Variants in KIT observed in about 807,000 individuals in gnomAD.
KIT encodes KIT proto-oncogene, receptor tyrosine kinase, also known as mast/stem cell growth factor receptor Kit.
KIT carries 16 observed loss-of-function variants against 105.7 expected under a neutral mutation model. The observed-to-expected ratio is 0.15, with a 90% CI of 0.10 to 0.23. The LOEUF (loss-of-function observed/expected upper bound fraction) is 0.23, where lower values mean the gene tolerates loss of function less well. KIT is among the 10% of genes least tolerant of loss of function. The probability of loss-of-function intolerance (pLI) is 1.00; values close to 1 mark genes in which losing one functional copy is unlikely to be tolerated. For missense variants in KIT, 858 were observed against 1,213.8 expected (o/e 0.71, Z 4.36); for synonymous variants, 438 against 441.1 (o/e 0.99, Z 0.09).
At chr4:54,715,932 A>G (rs1032549894) in intron 7 of KIT, among the ~76,000 whole-genome samples, 2 of 148,080 alleles carry the variant, frequency 1.4e-5, no homozygotes, top group East Asian at 2.0e-4. Flanking sequence ...GCCCTTCAGG[A>G]AGATCCTCAC....
chr4:54,709,701 A>G lies in KIT; in HGVS notation c.1231+162A>G, dbSNP rs187319292. On this transcript the variant is annotated intron_variant, in intron 7 of 20. Coordinates refer to ENST00000288135, the MANE Select transcript of KIT (RefSeq NM_000222.3). ...GTGGTTTGGTGGTTAGAGTGTGTCA[A>G]AAAACCAGTTCCTTGTCCTACATTT... is the stretch of plus-strand genomic sequence containing the variant. The G allele has an allele frequency of 6.3e-4, 433 of 687,396 alleles. 4 individuals carry two copies. In the Admixed American group the frequency reaches 8.7e-3, roughly 14 times the overall value. 42.6% of individuals were successfully genotyped at this position (687,396 alleles called of 1,614,324 possible).
At chr4:54,682,427 C>A (rs1302790577) in intron 1 of KIT, among the ~76,000 whole-genome samples, 1 of 151,142 alleles carries the variant, frequency 6.6e-6, no homozygotes, top group Non-Finnish European at 1.5e-5. Flanking sequence ...ATTTCTTTGT[C>A]TTTTTTTTCT....
At chr4:54,706,063 G>A (rs1720769381) in intron 5 of KIT, among the ~76,000 whole-genome samples, 1 of 151,470 alleles carries the variant, frequency 6.6e-6, no homozygotes, top group Admixed American at 6.6e-5. Flanking sequence ...CCTTTTCTAA[G>A]GACTCCATTA....
chr4:54,706,878 G>T (rs1375148250), intron 5 of KIT, among the ~76,000 whole-genome samples: 3 of 152,298 alleles, frequency 2.0e-5, no homozygotes, highest in Middle Eastern at 3.4e-3. Context: ...TTAAGAGGCA[G>T]AGATGGGAGA....
intron 1 of KIT, among the ~76,000 whole-genome samples, chr4:54,688,491 A>C (rs1009848731): frequency 6.6e-6 from 1 of 151,890 alleles, no homozygotes; most frequent in Non-Finnish European, 1.5e-5. Context: ...ATTTGTGTCC[A>C]AAAGAGGACA....
chr4:54,720,213 C>T (rs1577983809), intron 7 of KIT, among the ~76,000 whole-genome samples: 1 of 152,048 alleles, frequency 6.6e-6, no homozygotes, highest in African/African-American at 2.4e-5. Flanking sequence ...CATTTATTCT[C>T]TTCCCTTAGA....
intron 1 of KIT, among the ~76,000 whole-genome samples, chr4:54,680,542 C>T (rs906510914): frequency 2.0e-4 from 31 of 152,038 alleles, no homozygotes; most frequent in Non-Finnish European, 2.9e-4. Context: ...CAGGCGCCCG[C>T]CACCACGCCC....
Position 54,737,239 on chromosome 4 carries a change from G to A in KIT, c.2761G>A (p.Val921Ile), listed in dbSNP as rs1553893587. The stretch of plus-strand genomic sequence containing the variant: ...AAAAAGACCAACATTCAAGCAAATT[G>A]TTCAGCTAATTGAGAAGCAGATTTC... ...PLKRPTFKQIVQLIEKQISES... is the reference protein window; with the variant it reads ...PLKRPTFKQIIQLIEKQISES... The change falls in exon 20 of 21, where the codon GTT becomes ATT. Residue 921 changes from valine (V) to isoleucine (I), a missense_variant. Physicochemically the swap from Val to Ile is conservative, Grantham distance 29 (BLOSUM62 3). Transcript: ENST00000288135. The A allele has an allele frequency of 1.2e-6, 2 of 1,613,928 alleles. No individual in the cohort carries two copies. Among genetic ancestry groups the A allele is most frequent in the South Asian group, 1.1e-5 (1 of 91,068 alleles).
At position 54,682,090 on chromosome 4, in the gene KIT, C is replaced by CTTTT. The variant is rs375084454; in HGVS notation, c.68-13408_68-13405dup. ...TTTCTATGTACAAGAACTGAATTTT[C>CTTTT]TTTTTTTTTTTTTTTTTGAGACTGG... is the stretch of plus-strand genomic sequence containing the variant. On this transcript the variant is annotated intron_variant, in intron 1 of 20. Transcript: ENST00000288135. Among the ~76,000 whole-genome samples, 224 of 128,974 alleles carry CTTTT rather than the reference C, an allele frequency of 1.7e-3. 6 individuals are homozygous for CTTTT. Among genetic ancestry groups the CTTTT allele is most frequent in the African/African-American group, 6.3e-3 (209 of 33,084 alleles). The allele number at this position is 128,974 out of a possible 152,430, so 84.6% of individuals were successfully genotyped here.
chr4:54,682,591 A>G (rs1719016711), intron 1 of KIT, among the ~76,000 whole-genome samples: 4 of 151,582 alleles, frequency 2.6e-5, no homozygotes, highest in Admixed American at 2.0e-4. Context: ...ATATCCGGCT[A>G]ATTTTTTTGG....
intron 16 of KIT, among the ~76,000 whole-genome samples, chr4:54,732,593 C>A (rs759337042): frequency 1.3e-5 from 2 of 152,090 alleles, no homozygotes; most frequent in Non-Finnish European, 2.9e-5. Flanking sequence ...CAGTCCTACC[C>A]TTAAATGTCA....
intron 7 of KIT, among the ~76,000 whole-genome samples, chr4:54,720,495 T>G (rs1721799125): frequency 6.6e-6 from 1 of 152,212 alleles, no homozygotes; most frequent in African/African-American, 2.4e-5. Context: ...TGGAATTGAT[T>G]ATGTAATTTT....
chr4:54,698,607 A>T (rs1434320400), intron 3 of KIT, 42 bp downstream of exon 3: 1 of 1,605,452 alleles, frequency 6.2e-7, no homozygotes, highest in Admixed American at 1.7e-5. Context: ...TTGAGAACTC[A>T]CTTATCTAAA....
chr4:54,666,447 T>C (rs1287421455), intron 1 of KIT, among the ~76,000 whole-genome samples: 2 of 152,042 alleles, frequency 1.3e-5, no homozygotes, highest in Admixed American at 6.6e-5. Context: ...GCCCAGCTAA[T>C]TTTTGTATTT....
Position 54,694,777 on chromosome 4 carries a change from ATAAT to A in KIT, c.68-730_68-727del, listed in dbSNP as rs1366127385. 3.9e-5 allele frequency among the ~76,000 whole-genome samples: 6 copies of A among 152,332 alleles called. No homozygotes were observed. The South Asian group carries it at 8.3e-4, about 21-fold the overall frequency. On this transcript the variant is annotated intron_variant, in intron 1 of 20. Coordinates refer to ENST00000288135, the MANE Select transcript of KIT (RefSeq NM_000222.3). ...ATCTAGCATGGTGCTTTTGTAGATG[ATAAT>A]TAATGAATAGGTATTTGAATACATG... is the stretch of plus-strand genomic sequence containing the variant.
At chr4:54,716,232 G>A (rs1015007215) in intron 7 of KIT, among the ~76,000 whole-genome samples, 5 of 152,056 alleles carry the variant, frequency 3.3e-5, no homozygotes, top group Admixed American at 6.6e-5. Context: ...ATAAAGTGCC[G>A]AATAGAACTC....
Position 54,703,760 on chromosome 4 carries a change from G to A in KIT, c.793G>A (p.Gly265Ser), listed in dbSNP as rs1060502570. The A allele has an allele frequency of 9.9e-6, 16 of 1,613,448 alleles. No homozygotes were observed. Among genetic ancestry groups the A allele is most frequent in the Non-Finnish European group, 8.5e-6 (10 of 1,179,716 alleles). ...GGAGAAATATAATAGCTGGCATCAC[G>A]GTGACTTCAATTATGAACGTCAGGC... ...LQEKYNSWHH[G>S]DFNYERQATL... is the part of the protein sequence containing the mutation. The change falls in exon 5 of 21, where the codon GGT becomes AGT. Residue 265 changes from glycine to serine, a missense_variant. Physicochemically the swap from Gly to Ser is moderately conservative, Grantham distance 56. Transcript: ENST00000288135.
Position 54,727,450 on chromosome 4 carries a change from AGGAGATAAAT to A in KIT, c.1686_1695del (p.Ile563ThrfsTer6). 1 of 1,614,102 alleles carries A rather than the reference AGGAGATAAAT, an allele frequency of 6.2e-7. No individual in the cohort carries two copies. The highest frequency in any genetic ancestry group is 8.5e-7 in the Non-Finnish European group (1 of 1,179,984). On this transcript the variant is annotated frameshift_variant, in exon 11 of 21. Transcript: ENST00000288135. LOFTEE classifies it high-confidence loss of function. ...TATGAAGTACAGTGGAAGGTTGTTG[AGGAGATAAAT>A]GGAAACAATTATGTTTACATAGACC...
Position 54,739,396 on chromosome 4 carries a change from C to A in KIT, c.*839C>A, listed in dbSNP as rs183497667. 3.0e-3 allele frequency: 697 copies of A among 233,458 alleles called. 5 individuals carry two copies. Among genetic ancestry groups the A allele is most frequent in the African/African-American group, 0.014 (640 of 45,434 alleles). The allele number at this position is 233,458 out of a possible 1,614,324, so 14.5% of individuals were successfully genotyped here. Reference sequence around the variant, plus strand: ...ACCATTTTTTAAGGAAACAATATAACCACAAAGCACAGTTTGAACAAAATC... The same window carrying A: ...ACCATTTTTTAAGGAAACAATATAAACACAAAGCACAGTTTGAACAAAATC... On this transcript the variant is annotated 3_prime_UTR_variant, in exon 21 of 21. Coordinates refer to ENST00000288135, the MANE Select transcript of KIT (RefSeq NM_000222.3).
Sources: gnomAD v4.1 joint callset for allele counts (sites outside exome capture counted in the v4.1 genomes callset) on GRCh38, gnomAD v4.1.1 for gene constraint, MANE v1.5 for transcripts, NCBI Gene and HGNC (gene_info 2026-07-23, HGNC 2026-07-21) for gene names.